Variants in KLF12 observed in about 807,000 individuals in gnomAD.
KLF12 encodes the protein KLF transcription factor 12.
A neutral mutation model predicts 37.8 loss-of-function variants in KLF12; 9 were observed. That is an observed-to-expected ratio of 0.24 (90% CI 0.14 to 0.42). The LOEUF (loss-of-function observed/expected upper bound fraction) is 0.42, where lower values mean the gene tolerates loss of function less well. KLF12 is among the 10% of genes least tolerant of loss of function. KLF12 has a pLI of 1.00. For missense variants in KLF12, 411 were observed against 516.0 expected (o/e 0.80, Z 1.97); for synonymous variants, 208 against 202.1 (o/e 1.03, Z -0.25).
rs568915972 is a variant in KLF12, at chr13:74,073,523, C to T, written c.-32+60216G>A. ...ATGCTTGTTTCTTTGAGTTCAGCTG[C>T]ACCAGCTGCTGACTTAATGACACTG... On this transcript the variant is annotated intron_variant, in intron 1 of 7. Coordinates refer to ENST00000377669, the MANE Select transcript of KLF12 (RefSeq NM_007249.5). 4.6e-5 allele frequency among the ~76,000 whole-genome samples: 7 copies of T among 152,284 alleles called. No homozygotes were observed. In the South Asian group the frequency reaches 1.4e-3, roughly 32 times the overall value.
intron 6 of KLF12, among the ~76,000 whole-genome samples, chr13:73,724,760 G>C (rs931890044): frequency 6.6e-6 from 1 of 152,152 alleles, no homozygotes; most frequent in Admixed American, 6.5e-5. Context: ...AGAAAGATTA[G>C]ACTAATTACT....
At chr13:74,108,508 G>C (rs932709687) in intron 1 of KLF12, among the ~76,000 whole-genome samples, 1 of 152,094 alleles carries the variant, frequency 6.6e-6, no homozygotes, top group African/African-American at 2.4e-5. Flanking sequence ...AATGTGGGGG[G>C]TGAGGGTCAT....
intron 1 of KLF12, among the ~76,000 whole-genome samples, chr13:74,133,385 G>GT (rs1878375542): frequency 6.8e-6 from 1 of 146,416 alleles, no homozygotes; most frequent in Non-Finnish European, 1.5e-5. Flanking sequence ...GGCAAACACT[G>GT]CAACCAACAA....
intron 3 of KLF12, among the ~76,000 whole-genome samples, chr13:73,876,455 T>C (rs1177246661): frequency 2.0e-5 from 3 of 152,192 alleles, no homozygotes; most frequent in East Asian, 1.9e-4. Flanking sequence ...TTAAAGACAA[T>C]TGTGCCACAG....
chr13:73,857,908 T>A (rs927507694), intron 3 of KLF12, among the ~76,000 whole-genome samples: 2 of 152,152 alleles, frequency 1.3e-5, no homozygotes, highest in Non-Finnish European at 2.9e-5. Flanking sequence ...GGGAAACTTT[T>A]TGTATAATGT....
intron 7 of KLF12, among the ~76,000 whole-genome samples, chr13:73,712,033 C>T (rs1271487486): frequency 6.6e-6 from 1 of 152,142 alleles, no homozygotes; most frequent in African/African-American, 2.4e-5. Context: ...GTGGAAACAG[C>T]AGGAGAATTA....
chr13:74,132,076 C>T (rs1878289611), intron 1 of KLF12, among the ~76,000 whole-genome samples: 1 of 152,066 alleles, frequency 6.6e-6, no homozygotes, highest in South Asian at 2.1e-4. Context: ...AAAAAATGCA[C>T]ACAACATGTG....
chr13:74,005,470 G>T (rs1007734403), intron 1 of KLF12, among the ~76,000 whole-genome samples: 1 of 152,220 alleles, frequency 6.6e-6, no homozygotes, highest in East Asian at 1.9e-4. Context: ...GCAGCGGTAT[G>T]CTGCACTTTG....
chr13:73,828,989 G>A (rs898395288), intron 4 of KLF12, among the ~76,000 whole-genome samples: 1 of 152,068 alleles, frequency 6.6e-6, no homozygotes, highest in African/African-American at 2.4e-5. Flanking sequence ...CTCCTGAAGT[G>A]ATAGCCACAC....
At chr13:73,790,104 A>G (rs1234876657) in intron 5 of KLF12, among the ~76,000 whole-genome samples, 1 of 152,224 alleles carries the variant, frequency 6.6e-6, no homozygotes, top group Non-Finnish European at 1.5e-5. Flanking sequence ...CACTGAGTAC[A>G]CAATATTTTA....
intron 1 of KLF12, among the ~76,000 whole-genome samples, chr13:74,074,258 A>G (rs780944622): frequency 3.3e-5 from 5 of 152,140 alleles, no homozygotes; most frequent in Non-Finnish European, 7.4e-5. Context: ...ACATCCAAGC[A>G]ACTCTAGGGA....
At chr13:73,888,633 A>C (rs1887348376) in intron 3 of KLF12, among the ~76,000 whole-genome samples, 1 of 152,252 alleles carries the variant, frequency 6.6e-6, no homozygotes, top group South Asian at 2.1e-4. Flanking sequence ...CAAAAAAATA[A>C]GAAAAAGATA....
At chr13:73,980,574 C>A (rs1891665519) in intron 2 of KLF12, among the ~76,000 whole-genome samples, 1 of 151,886 alleles carries the variant, frequency 6.6e-6, no homozygotes, top group Non-Finnish European at 1.5e-5. Context: ...AAAAATCTAC[C>A]ATCTCAGAGA....
the KLF12 span, among the ~76,000 whole-genome samples, chr13:74,285,111 A>G: frequency 2.0e-5 from 3 of 152,250 alleles, no homozygotes; most frequent in Non-Finnish European, 2.9e-5. Flanking sequence ...TCTTGTGGGC[A>G]TGTGAAATTC....
chr13:74,046,122 T>C (rs1893536771), intron 1 of KLF12, among the ~76,000 whole-genome samples: 1 of 152,196 alleles, frequency 6.6e-6, no homozygotes, highest in African/African-American at 2.4e-5. Flanking sequence ...ACTCTGGGTT[T>C]CTAAGAACTA....
At chr13:74,184,524 T>C in the KLF12 span, among the ~76,000 whole-genome samples, 4 of 152,218 alleles carry the variant, frequency 2.6e-5, no homozygotes, top group Non-Finnish European at 2.9e-5. Context: ...GTATTATGCA[T>C]TGAGAAAGAA....
intron 6 of KLF12, among the ~76,000 whole-genome samples, chr13:73,763,961 C>T (rs756712586): frequency 2.6e-5 from 4 of 152,006 alleles, no homozygotes; most frequent in African/African-American, 4.8e-5. Flanking sequence ...AATTAGATTT[C>T]GTGGGGGAAG....
chr13:74,275,885 C>CTTT, the KLF12 span, among the ~76,000 whole-genome samples: 1 of 90,208 alleles, frequency 1.1e-5, no homozygotes, highest in Non-Finnish European at 2.1e-5. Flanking sequence ...TTTCTTCTTT[C>CTTT]TTTCTTTCTT....
At chr13:74,165,294 CTTTTCT>C in the KLF12 span, among the ~76,000 whole-genome samples, 1 of 124,410 alleles carries the variant, frequency 8.0e-6, no homozygotes, top group Non-Finnish European at 1.6e-5. Flanking sequence ...TTCATATTTT[CTTTTCT>C]TTTTTTTTTT....
Sources: gnomAD v4.1 joint callset for allele counts (sites outside exome capture counted in the v4.1 genomes callset) on GRCh38, gnomAD v4.1.1 for gene constraint, MANE v1.5 for transcripts, NCBI Gene and HGNC (gene_info 2026-07-23, HGNC 2026-07-21) for gene names.